Variants in MEGF6 observed in about 807,000 individuals in gnomAD.
MEGF6 encodes the protein multiple epidermal growth factor-like domains protein 6.
A neutral mutation model predicts 207.1 loss-of-function variants in MEGF6; 184 were observed. The ratio of observed to expected loss-of-function variants is 0.89; its 90% CI spans 0.79 to 1.00. The LOEUF is 1.00. Among genes scored for constraint, MEGF6 ranks in the 50% least tolerant of loss-of-function variants. MEGF6 has a pLI of 0.00. For synonymous variants in MEGF6, 1,038 were observed against 910.0 expected (o/e 1.14, Z -2.53); for missense variants, 2,282 against 2,202.9 (o/e 1.04, Z -0.72).
chr1:3,572,500 C>T (rs146849918), intron 4 of MEGF6, among the ~76,000 whole-genome samples: 4,037 of 129,278 alleles, frequency 0.031, 88 homozygotes, highest in South Asian at 0.053. Flanking sequence ...TGGGTCCTCC[C>T]GGGTGTGCTG....
At chr1:3,524,801 T>C (rs532001558) in intron 4 of MEGF6, among the ~76,000 whole-genome samples, 8 of 152,058 alleles carry the variant, frequency 5.3e-5, no homozygotes, top group Admixed American at 6.5e-5. Context: ...AAGTTCAGGC[T>C]CGAGATGAGA....
intron 3 of MEGF6, among the ~76,000 whole-genome samples, chr1:3,593,548 C>T (rs944650168): frequency 6.7e-6 from 1 of 150,358 alleles, no homozygotes; most frequent in African/African-American, 2.5e-5. Context: ...CCCCAGTAAA[C>T]CCTGGGGACT....
In MEGF6 at chr1:3,501,918, C is replaced by G; in HGVS notation, c.2192G>C (p.Cys731Ser). The change falls in exon 18 of 37, where the codon TGC (cysteine) becomes TCC (serine). Residue 731 changes from cysteine to serine, a missense_variant. Cys to Ser is a moderately radical substitution (Grantham distance 112). Transcript: ENST00000356575. ...GFQGEDCGQE[C>S]PVGTFGVNCS... ...GTTCACGCCAAACGTCCCCACCGGG[C>G]ACTCTGCAGGAGAAAGCACGAGGGG... is the stretch of plus-strand genomic sequence containing the variant. 2 of 1,584,672 alleles carry G rather than the reference C, an allele frequency of 1.3e-6. No homozygotes were observed. Among genetic ancestry groups the G allele is most frequent in the Non-Finnish European group, 1.7e-6 (2 of 1,165,824 alleles).
chr1:3,528,931 C>A (rs567528715), intron 4 of MEGF6, among the ~76,000 whole-genome samples: 1 of 152,082 alleles, frequency 6.6e-6, no homozygotes, highest in Non-Finnish European at 1.5e-5. Context: ...ACCGCACCCA[C>A]GGGGCACAAC....
intron 4 of MEGF6, among the ~76,000 whole-genome samples, chr1:3,529,940 C>G (rs1642092791): frequency 6.6e-6 from 1 of 152,270 alleles, no homozygotes; most frequent in African/African-American, 2.4e-5. Context: ...TGTCCCCACA[C>G]TTGCCACGGG....
intron 4 of MEGF6, among the ~76,000 whole-genome samples, chr1:3,545,391 A>G (rs1464955839): frequency 1.3e-5 from 2 of 151,972 alleles, no homozygotes; most frequent in African/African-American, 2.4e-5. Flanking sequence ...GCAGGGGGGA[A>G]AATGTAAGCT....
chr1:3,577,105 C>T (rs1008738924), intron 4 of MEGF6, among the ~76,000 whole-genome samples: 6 of 152,142 alleles, frequency 3.9e-5, no homozygotes, highest in Admixed American at 2.6e-4. Context: ...AATTGAGCCC[C>T]GCACCCTCGG....
chr1:3,543,904 G>A (rs937061821), intron 4 of MEGF6, among the ~76,000 whole-genome samples: 3 of 152,172 alleles, frequency 2.0e-5, no homozygotes, highest in Non-Finnish European at 4.4e-5. Context: ...GTGCCTGGAC[G>A]CCCAGCCCGC....
intron 33 of MEGF6, 38 bp from the exon 34 acceptor site, chr1:3,493,937 C>A: frequency 6.3e-7 from 1 of 1,582,508 alleles, no homozygotes; most frequent in East Asian, 2.3e-5. Flanking sequence ...CCCTCCTGTC[C>A]TGCACCCAGA....
chr1:3,539,348 G>T (rs1194252474), intron 4 of MEGF6, among the ~76,000 whole-genome samples: 1 of 152,094 alleles, frequency 6.6e-6, no homozygotes, highest in South Asian at 2.1e-4. Flanking sequence ...CGGGGTGGCT[G>T]TGGGAGATAA....
At chr1:3,502,338 C>T (rs889024620) in intron 17 of MEGF6, among the ~76,000 whole-genome samples, 3 of 152,114 alleles carry the variant, frequency 2.0e-5, no homozygotes, top group Non-Finnish European at 2.9e-5. Flanking sequence ...GCTCTTCCTC[C>T]GCCACCGTAG....
chr1:3,613,294 C>T (rs759372043), upstream of MEGF6, among the ~76,000 whole-genome samples: 25 of 152,208 alleles, frequency 1.6e-4, no homozygotes, highest in Non-Finnish European at 3.2e-4. Context: ...CTCCCAAGAG[C>T]CTGCACCCAA....
chr1:3,498,508 G>T lies in MEGF6; in HGVS notation c.3224-9C>A. ...GTCCCGGGGGAGGCACTCTACAGGAGCAGAGGCAGGCACGAGGGTGAGGGT... is the reference window on the plus strand; with the variant it reads ...GTCCCGGGGGAGGCACTCTACAGGATCAGAGGCAGGCACGAGGGTGAGGGT... On this transcript the variant is annotated splice_polypyrimidine_tract_variant and intron_variant, in intron 25 of 36. Transcript: ENST00000356575. 1.3e-6 allele frequency: 2 copies of T among 1,562,926 alleles called. No individual in the cohort carries two copies. The highest frequency in any genetic ancestry group is 8.7e-7 in the Non-Finnish European group (1 of 1,154,484).
chr1:3,556,749 T>G lies in MEGF6; in HGVS notation c.481+23076A>C, dbSNP rs1643042445. The stretch of plus-strand genomic sequence containing the variant: ...CAGGACACTGGAGAGCAGAAGAGGC[T>G]CCAGTGAAAACACAAGGATGCAGGT... On this transcript the variant is annotated intron_variant, in intron 4 of 36. Transcript: ENST00000356575. This position sits in a 1 kb window ranked among gnomAD's most constrained non-coding sequence, Gnocchi z 4.4. Among the ~76,000 whole-genome samples the G allele has an allele frequency of 1.3e-5, 2 of 152,112 alleles. No homozygotes were observed. The highest frequency in any genetic ancestry group is 2.4e-5 in the African/African-American group (1 of 41,406).
At chr1:3,506,042 G>A (rs1641102023) in intron 15 of MEGF6, 66 bp downstream of exon 15, 1 of 1,517,568 alleles carries the variant, frequency 6.6e-7, no homozygotes, top group Non-Finnish European at 8.9e-7. Flanking sequence ...ACAGGTAACA[G>A]GACATGGACC....
upstream of MEGF6, among the ~76,000 whole-genome samples, chr1:3,615,409 G>A (rs916650718): frequency 2.0e-5 from 3 of 152,156 alleles, no homozygotes; most frequent in African/African-American, 7.2e-5. Context: ...TTTCCAAGTG[G>A]GGGCTTCCCA....
At chr1:3,505,389 C>CCT (rs779757119) in intron 16 of MEGF6, 33 bp downstream of exon 16, 1 of 1,574,754 alleles carries the variant, frequency 6.4e-7, no homozygotes, top group African/African-American at 1.5e-5. Context: ...GACCCTGGCG[C>CCT]CCCCCGCCCC....
Position 3,515,467 on chromosome 1 carries a change from A to G in MEGF6, c.665T>C (p.Ile222Thr). The change falls in exon 6 of 37, where the codon ATC becomes ACC. Residue 222 changes from isoleucine (I) to threonine (T), a missense_variant. Coordinates refer to ENST00000356575, the MANE Select transcript of MEGF6 (RefSeq NM_001409.4). ...CCGGCACTGGCAGCGATGCCGAGTG[A>G]TTGTGAGCTGGACACAGTGGTGCTG... ...GCQHHCVQLT[I>T]TRHRCQCRPG... The G allele has an allele frequency of 1.2e-6, 2 of 1,612,720 alleles. No individual in the cohort carries two copies. The highest frequency in any genetic ancestry group is 1.7e-6 in the Non-Finnish European group (2 of 1,179,940).
intron 7 of MEGF6, among the ~76,000 whole-genome samples, chr1:3,512,897 T>G (rs1336765746): frequency 6.6e-6 from 1 of 152,166 alleles, no homozygotes; most frequent in Non-Finnish European, 1.5e-5. Flanking sequence ...ACTGGGGCAG[T>G]GGCAGCCCGA....
Sources: allele counts gnomAD v4.1 joint callset (sites outside exome capture counted in the v4.1 genomes callset), GRCh38; gene constraint gnomAD v4.1.1; non-coding constraint Gnocchi (gnomAD v3.1); transcripts MANE v1.5; gene names NCBI Gene and HGNC (gene_info 2026-07-23, HGNC 2026-07-21).